FILIP1L: variants seen among roughly 807,000 people sequenced by gnomAD.
FILIP1L encodes filamin A interacting protein 1 like.
Under a neutral mutation model 96.6 loss-of-function variants are expected in FILIP1L, and 55 were observed. The ratio of observed to expected loss-of-function variants is 0.57; its 90% CI spans 0.46 to 0.71. The LOEUF is 0.71. Ranked by LOEUF, FILIP1L falls within the 30% of genes least tolerant of loss-of-function variation. The probability of loss-of-function intolerance (pLI) is 0.00; values close to 1 mark genes in which losing one functional copy is unlikely to be tolerated. For missense variants in FILIP1L, 1,304 were observed against 1,321.2 expected (o/e 0.99, Z 0.20); for synonymous variants, 467 against 473.9 (o/e 0.99, Z 0.19).
intron 1 of FILIP1L, chr3:100,040,359 T>TA (rs1317341701): frequency 6.6e-6 from 1 of 152,218 alleles, no homozygotes; most frequent in Admixed American, 6.5e-5. Context: ...AACAGTATAT[T>TA]AAAGTTCTCT....
rs1481915561 is a variant in FILIP1L, at chr3:99,930,856, C to G, written c.165G>C (p.Lys55Asn). Residue 55 changes from lysine to asparagine, a missense_variant, in exon 2 of 6, where the codon AAG (lysine) becomes AAC (asparagine). Physicochemically the swap from Lys to Asn is moderately conservative, Grantham distance 94. Transcript: ENST00000477258. ...CTTGGTGGCCATTACCACTGTGTGG[C>G]TTCTCTGCCTTGGGACACGGAAGTA... ...DVILPCPKAE[K>N]PHSGNGHQAE... 6.2e-7 allele frequency: 1 copy of G among 1,613,008 alleles called. No individual in the cohort carries two copies. The highest frequency in any genetic ancestry group is 8.5e-7 in the Non-Finnish European group (1 of 1,179,770).
intron 4 of FILIP1L, among the ~76,000 whole-genome samples, chr3:99,916,435 T>TACACACACAC (rs1491315247): frequency 5.0e-5 from 6 of 120,092 alleles, no homozygotes; most frequent in African/African-American, 2.1e-4. Context: ...AATAACGGTT[T>TACACACACAC]ATACACACAC....
At chr3:100,054,217 G>A (rs1260019436) in intron 1 of FILIP1L, among the ~76,000 whole-genome samples, 3 of 152,146 alleles carry the variant, frequency 2.0e-5, no homozygotes, top group Non-Finnish European at 2.9e-5. Context: ...CAAACTAACC[G>A]AGACATCACA....
chr3:99,863,773 A>C (rs901224905), intron 4 of FILIP1L, among the ~76,000 whole-genome samples: 2 of 152,194 alleles, frequency 1.3e-5, no homozygotes, highest in Non-Finnish European at 2.9e-5. Flanking sequence ...CATCTCCCCA[A>C]CTGTAACCAC....
At chr3:100,059,046 G>T (rs533031481) in intron 1 of FILIP1L, among the ~76,000 whole-genome samples, 47 of 152,298 alleles carry the variant, frequency 3.1e-4, no homozygotes, top group Admixed American at 1.6e-3. Flanking sequence ...TGAAATAAAG[G>T]CTACCTTTAG....
At position 99,829,929 on chromosome 3, in the gene FILIP1L, GT is replaced by G. The variant is rs1245604304; in HGVS notation, c.*484del. Among the ~76,000 whole-genome samples, 1 of 152,142 alleles carries G rather than the reference GT, an allele frequency of 6.6e-6. No individual in the cohort carries two copies. The highest frequency in any genetic ancestry group is 2.4e-5 in the African/African-American group (1 of 41,422). On this transcript the variant is annotated 3_prime_UTR_variant, in exon 6 of 6. Transcript: ENST00000477258. Reference sequence around the variant, plus strand: ...CCCTCCTGGTCATAAAGAAATCATAGTTTTAGACCTTAAAGTGTGATTTTAA... The same window carrying G: ...CCCTCCTGGTCATAAAGAAATCATAGTTTAGACCTTAAAGTGTGATTTTAA...
At chr3:99,921,848 C>G (rs1707133361) in intron 4 of FILIP1L, among the ~76,000 whole-genome samples, 3 of 151,922 alleles carry the variant, frequency 2.0e-5, no homozygotes, top group Non-Finnish European at 4.4e-5. Flanking sequence ...TTTTCTTTTC[C>G]TCCAGCCCAT....
At chr3:99,981,153 C>G (rs1342156025) in intron 1 of FILIP1L, among the ~76,000 whole-genome samples, 1 of 152,188 alleles carries the variant, frequency 6.6e-6, no homozygotes, top group Non-Finnish European at 1.5e-5. Flanking sequence ...CACAAACACC[C>G]TGTGCTGGGA....
At chr3:100,063,731 GA>G (rs11317963) in intron 1 of FILIP1L, among the ~76,000 whole-genome samples, 28,156 of 152,008 alleles carry the variant, frequency 0.19, 2,945 homozygotes, top group South Asian at 0.25. Flanking sequence ...AAGGTTGCAA[GA>G]AAAAAAGTCA....
rs1287857067 is a variant in FILIP1L, at chr3:99,829,449, C to A, written c.*965G>T. ...ACCCTTATAGATGACTGTTTGAATTCAACATTTTGTATTAATAGTTGGGCA... is the reference window on the plus strand; with the variant it reads ...ACCCTTATAGATGACTGTTTGAATTAAACATTTTGTATTAATAGTTGGGCA... On this transcript the variant is annotated 3_prime_UTR_variant, in exon 6 of 6. Transcript: ENST00000477258. 6.6e-6 allele frequency among the ~76,000 whole-genome samples: 1 copy of A among 152,112 alleles called. No individual in the cohort carries two copies. The highest frequency in any genetic ancestry group is 1.9e-4 in the East Asian group (1 of 5,192).
At chr3:99,880,597 A>G (rs538387343) in intron 4 of FILIP1L, among the ~76,000 whole-genome samples, 1 of 152,306 alleles carries the variant, frequency 6.6e-6, no homozygotes, top group African/African-American at 2.4e-5. Context: ...ATGCTAGGGA[A>G]TGGGAAGTCC....
chr3:100,065,606 A>T (rs1014493933), intron 1 of FILIP1L, among the ~76,000 whole-genome samples: 1 of 152,174 alleles, frequency 6.6e-6, no homozygotes, highest in African/African-American at 2.4e-5. Flanking sequence ...TAATGAAAAA[A>T]GTATTCACTT....
At chr3:100,067,468 T>G (rs1432207660) in intron 1 of FILIP1L, among the ~76,000 whole-genome samples, 1 of 152,190 alleles carries the variant, frequency 6.6e-6, no homozygotes, top group Non-Finnish European at 1.5e-5. Context: ...CCTCCATTAG[T>G]ATACATGATT....
At chr3:99,985,934 A>G (rs1009359534) in intron 1 of FILIP1L, among the ~76,000 whole-genome samples, 1 of 150,752 alleles carries the variant, frequency 6.6e-6, no homozygotes, top group Admixed American at 7.1e-5. Context: ...CATAAAACAC[A>G]TTGGGGGTTA....
Position 99,848,411 on chromosome 3 carries a change from C to G in FILIP1L, c.3265G>C (p.Asp1089His). 6.2e-7 allele frequency: 1 copy of G among 1,614,134 alleles called. No individual in the cohort carries two copies. Among genetic ancestry groups the G allele is most frequent in the Non-Finnish European group, 8.5e-7 (1 of 1,180,020 alleles). ...RPASPSAPLQ[D>H]NRTQGLINGA... The stretch of plus-strand genomic sequence containing the variant: ...TTAATTAAGCCTTGAGTTCGGTTAT[C>G]CTGCAGTGGTGCTGAAGGGCTGGCA... The change falls in exon 5 of 6, where the codon GAT becomes CAT. Residue 1089 changes from aspartate to histidine, a missense_variant. Asp to His is a moderately conservative substitution (Grantham distance 81). Coordinates refer to ENST00000477258, the MANE Select transcript of FILIP1L (RefSeq NM_001387850.1).
chr3:99,898,251 A>G lies in FILIP1L; in HGVS notation c.605+25979T>C, dbSNP rs1395761814. On this transcript the variant is annotated intron_variant, in intron 4 of 5. Coordinates refer to ENST00000477258, the MANE Select transcript of FILIP1L (RefSeq NM_001387850.1). ...TTATATTGTAGGTAGCATTATTTTT[A>G]GAGCTGTATTGTAGGTGTATGGAAT... The G allele has an allele frequency of 2.6e-5, 4 of 152,220 alleles. No individual in the cohort carries two copies. In the East Asian group the frequency reaches 7.7e-4, roughly 29 times the overall value. The allele number at this position is 152,220 out of a possible 1,614,324, so 9.4% of individuals were successfully genotyped here.
rs576743721 is a variant in FILIP1L at position 99,881,535 on chromosome 3, C to G, written c.606-30465G>C. On this transcript the variant is annotated intron_variant, in intron 4 of 5. Transcript: ENST00000477258. ...TATAATTTGTAGCCCATCTCTCTCT[C>G]TCTTTTTTTTTTTTTGAGACACAGT... Among the ~76,000 whole-genome samples the G allele has an allele frequency of 9.1e-4, 136 of 149,630 alleles. 1 individual carries two copies. Among genetic ancestry groups the G allele is most frequent in the Non-Finnish European group, 1.5e-3 (103 of 67,140 alleles).
At chr3:100,017,540 A>G (rs1389032037) in intron 1 of FILIP1L, among the ~76,000 whole-genome samples, 1 of 152,218 alleles carries the variant, frequency 6.6e-6, no homozygotes, top group East Asian at 1.9e-4. Context: ...AAATTATTGT[A>G]TATGTACTTT....
intron 1 of FILIP1L, among the ~76,000 whole-genome samples, chr3:99,995,574 A>G (rs965415040): frequency 5.9e-5 from 9 of 152,138 alleles, no homozygotes; most frequent in Non-Finnish European, 7.4e-5. Flanking sequence ...TTCAGAGCAC[A>G]TTTGCCTTCC....
Sources: gnomAD v4.1 joint callset for allele counts (sites outside exome capture counted in the v4.1 genomes callset) on GRCh38, gnomAD v4.1.1 for gene constraint, MANE v1.5 for transcripts, NCBI Gene and HGNC (gene_info 2026-07-23, HGNC 2026-07-21) for gene names.